APPBP2: variants seen among roughly 807,000 people sequenced by gnomAD.
The protein encoded by APPBP2 is amyloid beta precursor protein binding protein 2.
Under a neutral mutation model 76.0 loss-of-function variants are expected in APPBP2, and 15 were observed. The observed-to-expected ratio is 0.20, with a 90% CI of 0.13 to 0.30. APPBP2 has a LOEUF of 0.30. Ranked by LOEUF, APPBP2 falls within the 10% of genes least tolerant of loss-of-function variation. The pLI is 1.00. For synonymous variants in APPBP2, 222 were observed against 242.2 expected (o/e 0.92, Z 0.77); for missense variants, 401 against 687.2 (o/e 0.58, Z 4.66).
chr17:60,464,217 C>T, intron 5 of APPBP2, 107 bp from the exon 6 acceptor site: 1 of 725,278 alleles, frequency 1.4e-6, no homozygotes, highest in African/African-American at 1.8e-5. Flanking sequence ...TAAGAACACA[C>T]ACAAAATATT....
At chr17:60,457,975 G>C (rs1156342729) in intron 9 of APPBP2, among the ~76,000 whole-genome samples, 1 of 146,872 alleles carries the variant, frequency 6.8e-6, no homozygotes, top group Non-Finnish European at 1.5e-5. Context: ...CAACTCCCCA[G>C]CCTAGATAAC....
chr17:60,505,610 T>C (rs530318717), intron 1 of APPBP2, among the ~76,000 whole-genome samples: 25 of 149,740 alleles, frequency 1.7e-4, no homozygotes, highest in East Asian at 1.2e-3. Flanking sequence ...CCATCGCGCC[T>C]GGCCCATAAT....
At chr17:60,451,298 C>A (rs1396734894) in intron 12 of APPBP2, among the ~76,000 whole-genome samples, 1 of 152,098 alleles carries the variant, frequency 6.6e-6, no homozygotes, top group Non-Finnish European at 1.5e-5. Flanking sequence ...TTTAAAATAA[C>A]TACTTTTGCC....
chr17:60,452,563 G>T (rs185569018), intron 11 of APPBP2, among the ~76,000 whole-genome samples: 19 of 152,092 alleles, frequency 1.2e-4, no homozygotes, highest in African/African-American at 4.1e-4. Context: ...GGATATACAG[G>T]TTGCTTTTCA....
intron 1 of APPBP2, among the ~76,000 whole-genome samples, chr17:60,505,676 GTTTTT>G (rs1170935393): frequency 1.3e-4 from 11 of 85,710 alleles, no homozygotes; most frequent in African/African-American, 6.9e-4. Flanking sequence ...GACCCCTGCG[GTTTTT>G]TTTTTTTTTT....
chr17:60,512,860 G>A (rs56184978), intron 1 of APPBP2, among the ~76,000 whole-genome samples: 12,089 of 128,928 alleles, frequency 0.094, 2,008 homozygotes, highest in African/African-American at 0.34. Flanking sequence ...AAAAAGGAAA[G>A]GAAAAGAAAC....
Position 60,466,404 on chromosome 17 carries a change from T to G in APPBP2, c.559A>C (p.Lys187Gln). 1 of 1,613,800 alleles carries G rather than the reference T, an allele frequency of 6.2e-7. No homozygotes were observed. Among genetic ancestry groups the G allele is most frequent in the African/African-American group, 1.3e-5 (1 of 75,048 alleles). ...TTATCCATATATGTCTGAGCTAATT[T>G]AAATGTTTCTTCACCCAAATGATAT... ...CKYHLGEETF[K>Q]LAQTYMDKLS... Residue 187 changes from lysine (K) to glutamine (Q), a missense_variant, in exon 5 of 13, where the codon AAA (lysine) becomes CAA (glutamine). By Grantham distance (53) the Lys-to-Gln change is moderately conservative (BLOSUM62 1). Coordinates refer to ENST00000083182, the MANE Select transcript of APPBP2 (RefSeq NM_006380.5).
intron 1 of APPBP2, among the ~76,000 whole-genome samples, chr17:60,501,297 G>A (rs1362846023): frequency 6.6e-6 from 1 of 151,928 alleles, no homozygotes; most frequent in Non-Finnish European, 1.5e-5. Flanking sequence ...ACACAGCCTG[G>A]GTGAGAGTGA....
intron 9 of APPBP2, 61 bp from the exon 10 acceptor site, chr17:60,456,442 T>A (rs1032871527): frequency 2.8e-6 from 3 of 1,071,166 alleles, no homozygotes; most frequent in Non-Finnish European, 4.3e-6. Flanking sequence ...TTAGGAATTT[T>A]AAAAATCACA....
At position 60,446,068 on chromosome 17, in the gene APPBP2, A is replaced by G. The variant is rs1267611914; in HGVS notation, c.*1513T>C. ...TCTCACCCAACATGCATGTTAAAAG[A>G]AAACTAAAATTCAACACACATCCAT... On this transcript the variant is annotated 3_prime_UTR_variant, in exon 13 of 13. Coordinates refer to ENST00000083182, the MANE Select transcript of APPBP2 (RefSeq NM_006380.5). 2 of 152,194 alleles carry G rather than the reference A, an allele frequency of 1.3e-5. No homozygotes were observed. Among genetic ancestry groups the G allele is most frequent in the Non-Finnish European group, 2.9e-5 (2 of 68,038 alleles). The allele number at this position is 152,194 out of a possible 1,614,324, so 9.4% of individuals were successfully genotyped here.
At chr17:60,495,791 C>T (rs2090771515) in intron 2 of APPBP2, among the ~76,000 whole-genome samples, 1 of 152,042 alleles carries the variant, frequency 6.6e-6, no homozygotes, top group Non-Finnish European at 1.5e-5. Context: ...TAGGTATATA[C>T]TCAAGAGAAT....
chr17:60,475,663 A>G (rs1017107008), intron 4 of APPBP2, among the ~76,000 whole-genome samples: 6 of 149,892 alleles, frequency 4.0e-5, no homozygotes, highest in African/African-American at 1.5e-4. Context: ...ACACACACAC[A>G]CACACACACA....
At chr17:60,483,110 G>C (rs1042497050) in intron 3 of APPBP2, among the ~76,000 whole-genome samples, 27 of 152,208 alleles carry the variant, frequency 1.8e-4, no homozygotes, top group African/African-American at 6.3e-4. Flanking sequence ...ATTTTTTAAT[G>C]ATCACCATTC....
At chr17:60,452,529 C>A (rs1029475147) in intron 11 of APPBP2, among the ~76,000 whole-genome samples, 1 of 152,128 alleles carries the variant, frequency 6.6e-6, no homozygotes, top group African/African-American at 2.4e-5. Flanking sequence ...TTTATTCCAA[C>A]AAACTAAACT....
intron 3 of APPBP2, among the ~76,000 whole-genome samples, chr17:60,492,684 T>C (rs983412617): frequency 6.6e-6 from 1 of 152,198 alleles, no homozygotes; most frequent in Non-Finnish European, 1.5e-5. Flanking sequence ...AATGGTTGTA[T>C]TTATCCAATG....
At chr17:60,481,264 T>C (rs969554327) in intron 3 of APPBP2, among the ~76,000 whole-genome samples, 1 of 152,200 alleles carries the variant, frequency 6.6e-6, no homozygotes, top group African/African-American at 2.4e-5. Flanking sequence ...GTTCCCTTTT[T>C]GCCTCTTTAG....
At chr17:60,499,093 G>T (rs1342689811) in intron 2 of APPBP2, among the ~76,000 whole-genome samples, 1 of 152,192 alleles carries the variant, frequency 6.6e-6, no homozygotes, top group Non-Finnish European at 1.5e-5. Flanking sequence ...CACTTTGGAA[G>T]ACTGAGACAA....
chr17:60,517,189 C>G (rs2090970056), intron 1 of APPBP2, among the ~76,000 whole-genome samples: 1 of 152,092 alleles, frequency 6.6e-6, no homozygotes, highest in African/African-American at 2.4e-5. Flanking sequence ...GTTGGCCAGG[C>G]TGGTCTTGAA....
intron 3 of APPBP2, among the ~76,000 whole-genome samples, chr17:60,484,790 A>G (rs1252230162): frequency 6.6e-6 from 1 of 152,190 alleles, no homozygotes; most frequent in Non-Finnish European, 1.5e-5. Context: ...AGAAAGACAG[A>G]AAACTGTCTT....
Sources: allele counts gnomAD v4.1 joint callset (sites outside exome capture counted in the v4.1 genomes callset), GRCh38; gene constraint gnomAD v4.1.1; transcripts MANE v1.5; gene names NCBI Gene and HGNC (gene_info 2026-07-23, HGNC 2026-07-21).